GPRC6A: variants seen among roughly 807,000 people sequenced by gnomAD.
GPRC6A encodes G protein-coupled receptor class C group 6 member A.
A neutral mutation model predicts 47.0 loss-of-function variants in GPRC6A; 54 were observed. The ratio of observed to expected loss-of-function variants is 1.15; its 90% CI spans 0.92 to 1.44. The LOEUF is 1.44. Among genes scored for constraint, GPRC6A ranks in the 40% most tolerant of loss-of-function variants. The pLI is 0.00. For synonymous variants in GPRC6A, 347 were observed against 377.1 expected, an observed-to-expected ratio of 0.92 and a Z score of 0.93; for missense variants, 1,112 against 1,105.5, an observed-to-expected ratio of 1.01 and a Z score of -0.08.
In GPRC6A at chr6:116,818,615, T is replaced by C. The variant is rs1362914097; in HGVS notation, c.195-8998A>G. ...TCATATCCAGCCAAACTAAGCTTCA[T>C]AAGCAAAGGAGAAATAAAATACTTT... On this transcript the variant is annotated intron_variant, in intron 1 of 5. Transcript: ENST00000310357. 2.0e-4 allele frequency among the ~76,000 whole-genome samples: 23 copies of C among 117,702 alleles called. No homozygotes were observed. The East Asian group carries it at 5.8e-3, about 30-fold the overall frequency. 77.2% of individuals were successfully genotyped at this position (117,702 alleles called of 152,430 possible).
At chr6:116,822,161 A>G (rs1211809655) in intron 1 of GPRC6A, among the ~76,000 whole-genome samples, 39 of 138,804 alleles carry the variant, frequency 2.8e-4, no homozygotes, top group Non-Finnish European at 5.9e-4. Flanking sequence ...CCACAATGAG[A>G]TACCATCTCA....
At chr6:116,795,193 T>C (rs1772439365) in intron 5 of GPRC6A, among the ~76,000 whole-genome samples, 1 of 152,200 alleles carries the variant, frequency 6.6e-6, no homozygotes. Context: ...CTCATCCCTG[T>C]TGATAGTTGG....
intron 1 of GPRC6A, among the ~76,000 whole-genome samples, chr6:116,826,709 A>G (rs912997257): frequency 6.6e-6 from 1 of 151,916 alleles, no homozygotes; most frequent in African/African-American, 2.4e-5. Flanking sequence ...TATCTATTCA[A>G]AGAAAAGGAA....
At chr6:116,804,967 AAC>A (rs1347694143) in intron 3 of GPRC6A, among the ~76,000 whole-genome samples, 1 of 152,044 alleles carries the variant, frequency 6.6e-6, no homozygotes, top group Non-Finnish European at 1.5e-5. Context: ...TAAAAATTAA[AAC>A]AGTTTTTCTG....
At chr6:116,809,240 C>T in intron 2 of GPRC6A, 74 bp downstream of exon 2, 1 of 1,206,370 alleles carries the variant, frequency 8.3e-7, no homozygotes, top group Non-Finnish European at 1.2e-6. Context: ...TAACTAGTTT[C>T]CTCAGGTTTC....
intron 1 of GPRC6A, among the ~76,000 whole-genome samples, chr6:116,822,048 A>G (rs1418380512): frequency 6.9e-6 from 1 of 145,906 alleles, no homozygotes; most frequent in Non-Finnish European, 1.5e-5. Context: ...AAAGTGGGTG[A>G]AGGACATGAA....
At chr6:116,817,366 C>A (rs1773259819) in intron 1 of GPRC6A, among the ~76,000 whole-genome samples, 3 of 151,484 alleles carry the variant, frequency 2.0e-5, no homozygotes, top group South Asian at 2.1e-4. Flanking sequence ...GAAAGGACAT[C>A]CACACCAAAA....
At chr6:116,811,065 G>A (rs1436809509) in intron 1 of GPRC6A, among the ~76,000 whole-genome samples, 1 of 152,144 alleles carries the variant, frequency 6.6e-6, no homozygotes, top group African/African-American at 2.4e-5. Flanking sequence ...GGCATACTTA[G>A]CCCATTGCTA....
intron 1 of GPRC6A, among the ~76,000 whole-genome samples, chr6:116,824,973 T>C (rs141112477): frequency 8.7e-4 from 132 of 152,056 alleles, no homozygotes; most frequent in African/African-American, 3.1e-3. Flanking sequence ...ATCAACAGGA[T>C]GAAGGACAAA....
At chr6:116,826,726 A>G (rs1394179671) in intron 1 of GPRC6A, among the ~76,000 whole-genome samples, 3 of 151,962 alleles carry the variant, frequency 2.0e-5, no homozygotes, top group African/African-American at 4.8e-5. Context: ...GGAAATCAGT[A>G]TACTAAAGGG....
At chr6:116,826,745 A>C (rs1432121800) in intron 1 of GPRC6A, among the ~76,000 whole-genome samples, 1 of 151,982 alleles carries the variant, frequency 6.6e-6, no homozygotes, top group African/African-American at 2.4e-5. Flanking sequence ...GGATACCTGC[A>C]CTCACATGCT....
intron 3 of GPRC6A, among the ~76,000 whole-genome samples, chr6:116,805,024 T>G (rs1206887471): frequency 2.0e-5 from 3 of 152,052 alleles, no homozygotes; most frequent in Non-Finnish European, 4.4e-5. Context: ...GAAAACATTG[T>G]ACTGAACTTG....
intron 1 of GPRC6A, among the ~76,000 whole-genome samples, chr6:116,812,599 T>A (rs1262911940): frequency 6.6e-6 from 1 of 152,104 alleles, no homozygotes; most frequent in Non-Finnish European, 1.5e-5. Context: ...TAACCTTGGA[T>A]TTAAAAGGAT....
rs1772845474 is a variant in GPRC6A at position 116,806,571 on chromosome 6, A to ATC, written c.1133_1134insGA (p.Asn378LysfsTer16). 6.2e-7 allele frequency: 1 copy of ATC among 1,613,540 alleles called. No individual in the cohort carries two copies. The highest frequency in any genetic ancestry group is 1.3e-5 in the African/African-American group (1 of 74,916). On this transcript the variant is annotated frameshift_variant, in exon 3 of 6. Transcript: ENST00000310357. LOFTEE classifies it high-confidence loss of function. ...TGTAGGCCAAAGTCCTTTGAGAATG[A>ATC]TTGAATATGCATTGACTCAAATCAG...
intron 1 of GPRC6A, among the ~76,000 whole-genome samples, chr6:116,822,905 A>G (rs1773548489): frequency 6.6e-6 from 1 of 150,830 alleles, no homozygotes; most frequent in Non-Finnish European, 1.5e-5. Context: ...AAAAAAAAAA[A>G]AAAAGAAAGA....
chr6:116,794,706 G>A (rs372321904), intron 5 of GPRC6A, among the ~76,000 whole-genome samples: 3 of 152,226 alleles, frequency 2.0e-5, no homozygotes. Context: ...CAGTGGTATA[G>A]CATTTTTATT....
chr6:116,804,326 T>A (rs1006332281), intron 3 of GPRC6A, among the ~76,000 whole-genome samples: 3 of 151,982 alleles, frequency 2.0e-5, no homozygotes, highest in Non-Finnish European at 4.4e-5. Flanking sequence ...CTGGGAAAAA[T>A]TAACCCCTTT....
chr6:116,821,601 C>A (rs1011575179), intron 1 of GPRC6A, among the ~76,000 whole-genome samples: 1 of 151,888 alleles, frequency 6.6e-6, no homozygotes, highest in Non-Finnish European at 1.5e-5. Flanking sequence ...GAAAAACAAG[C>A]AATGGGGAAA....
chr6:116,812,837 A>G (rs1054791785), intron 1 of GPRC6A, among the ~76,000 whole-genome samples: 21 of 152,222 alleles, frequency 1.4e-4, no homozygotes, highest in African/African-American at 4.8e-4. Context: ...GGCAGATGAC[A>G]TGACTGTATG....
Sources: gnomAD v4.1 joint callset for allele counts (sites outside exome capture counted in the v4.1 genomes callset) on GRCh38, gnomAD v4.1.1 for gene constraint, MANE v1.5 for transcripts, NCBI Gene and HGNC (gene_info 2026-07-23, HGNC 2026-07-21) for gene names.